Variants in IQUB observed in about 807,000 individuals in gnomAD.
The protein encoded by IQUB is IQ motif and ubiquitin-like domain-containing protein.
Under a neutral mutation model 86.4 loss-of-function variants are expected in IQUB, and 86 were observed. The observed-to-expected ratio is 1.00, with a 90% CI of 0.84 to 1.19. The LOEUF (loss-of-function observed/expected upper bound fraction) is 1.19, where lower values mean the gene tolerates loss of function less well. IQUB is among the 50% of genes most tolerant of loss of function. The pLI, the probability that IQUB is intolerant of heterozygous loss-of-function variation, is 0.00. For synonymous variants in IQUB, 289 were observed against 304.5 expected (o/e 0.95, Z 0.53); for missense variants, 946 against 916.9 (o/e 1.03, Z -0.41).
intron 6 of IQUB, chr7:123,502,207 C>A: frequency 6.1e-6 from 1 of 164,578 alleles, no homozygotes; most frequent in Non-Finnish European, 1.3e-5. Flanking sequence ...AAAAATAAAA[C>A]AGAGTTGGAG....
chr7:123,504,403 T>A (rs759051017), intron 3 of IQUB, among the ~76,000 whole-genome samples: 1 of 151,898 alleles, frequency 6.6e-6, no homozygotes, highest in Admixed American at 6.6e-5. Context: ...TGAGCCAAGA[T>A]CACACCCTGA....
intron 7 of IQUB, among the ~76,000 whole-genome samples, chr7:123,482,403 A>G (rs1016124671): frequency 6.6e-6 from 1 of 152,066 alleles, no homozygotes; most frequent in Non-Finnish European, 1.5e-5. Context: ...TCAATAAACC[A>G]TTTATATAGA....
At chr7:123,524,988 T>C (rs1024970193) in intron 1 of IQUB, among the ~76,000 whole-genome samples, 1 of 152,238 alleles carries the variant, frequency 6.6e-6, no homozygotes, top group Admixed American at 6.5e-5. Context: ...GTTCTGTTTA[T>C]ATGCTGGATT....
intron 1 of IQUB, among the ~76,000 whole-genome samples, chr7:123,526,378 G>T (rs990166702): frequency 6.6e-6 from 1 of 152,032 alleles, no homozygotes; most frequent in Middle Eastern, 3.2e-3. Context: ...TTATGAATCT[G>T]GGTGCTCCTG....
At chr7:123,509,221 A>G (rs1796314157) in intron 3 of IQUB, among the ~76,000 whole-genome samples, 1 of 152,202 alleles carries the variant, frequency 6.6e-6, no homozygotes, top group Non-Finnish European at 1.5e-5. Context: ...GATCAACTGT[A>G]ATAGTTAATA....
At chr7:123,458,058 G>A (rs1276680916) in intron 11 of IQUB, 2 of 151,934 alleles carry the variant, frequency 1.3e-5, no homozygotes, top group Non-Finnish European at 2.9e-5. Flanking sequence ...TCTCTATATG[G>A]TTCCAATTTC....
chr7:123,497,864 CA>C (rs1795771748), intron 6 of IQUB, among the ~76,000 whole-genome samples: 1 of 151,502 alleles, frequency 6.6e-6, no homozygotes, highest in African/African-American at 2.4e-5. Flanking sequence ...CCTAATCATG[CA>C]CTGGAGAAGC....
chr7:123,479,815 T>A lies in IQUB; in HGVS notation c.1390A>T (p.Ile464Leu), dbSNP rs1300459943. The A allele has an allele frequency of 6.2e-7, 1 of 1,611,952 alleles. No individual in the cohort carries two copies. The highest frequency in any genetic ancestry group is 1.7e-5 in the Admixed American group (1 of 59,682). The change falls in exon 8 of 13, where the codon ATA (isoleucine) becomes TTA (leucine). Residue 464 changes from isoleucine (I) to leucine (L), a missense_variant. Transcript: ENST00000324698. ...IAYMANQEAA[I>L]QAFLDKCSAP... ...CTAACCTTATCCAAAAAAGCTTGTA[T>A]TGCTGCTTCCTGATTTGCCATATAA...
intron 2 of IQUB, 89 bp from the exon 3 acceptor site, chr7:123,510,124 T>C: frequency 1.3e-6 from 1 of 767,112 alleles, no homozygotes; most frequent in Non-Finnish European, 2.0e-6. Flanking sequence ...GAATTATGTG[T>C]TAATTTTTAA....
At chr7:123,525,085 C>T (rs571114817) in intron 1 of IQUB, among the ~76,000 whole-genome samples, 1 of 152,300 alleles carries the variant, frequency 6.6e-6, no homozygotes, top group Admixed American at 6.5e-5. Flanking sequence ...TTTTCATGTG[C>T]TGCTGGATTC....
At chr7:123,533,857 A>G (rs1562884801) in intron 1 of IQUB, among the ~76,000 whole-genome samples, 2 of 152,212 alleles carry the variant, frequency 1.3e-5, no homozygotes, top group Middle Eastern at 3.2e-3. Context: ...TATCTATTCA[A>G]ATGAAAATGT....
chr7:123,483,754 C>G (rs1273002154), intron 7 of IQUB, among the ~76,000 whole-genome samples: 3 of 152,020 alleles, frequency 2.0e-5, no homozygotes, highest in Non-Finnish European at 4.4e-5. Context: ...TAAAGACTTC[C>G]TTTGAGCAGA....
At chr7:123,498,871 C>A (rs1203286231) in intron 6 of IQUB, among the ~76,000 whole-genome samples, 1 of 152,078 alleles carries the variant, frequency 6.6e-6, no homozygotes, top group Non-Finnish European at 1.5e-5. Flanking sequence ...GTGGAACAGC[C>A]ACATGCTCAG....
chr7:123,464,968 A>AATG lies in IQUB; in HGVS notation c.1622_1623insCAT (p.Ile541dup). On this transcript the variant is annotated inframe_insertion, in exon 10 of 13. Transcript: ENST00000324698. Reference sequence around the variant, plus strand: ...TCATCATAAGGTCAACCTCTCTGTCAATCAATTCTAGAATTTCCTGAGTTA... The same window carrying AATG: ...TCATCATAAGGTCAACCTCTCTGTCAATGATCAATTCTAGAATTTCCTGAGTTA... 1 of 1,598,356 alleles carries AATG rather than the reference A, an allele frequency of 6.3e-7. No homozygotes were observed. The highest frequency in any genetic ancestry group is 8.5e-7 in the Non-Finnish European group (1 of 1,172,820).
intron 7 of IQUB, among the ~76,000 whole-genome samples, chr7:123,493,295 C>T (rs911360608): frequency 2.0e-5 from 3 of 152,136 alleles, no homozygotes; most frequent in Admixed American, 2.0e-4. Flanking sequence ...CAAAGCATAG[C>T]AATGGCTCTC....
rs752899092 is a variant in IQUB at position 123,469,228 on chromosome 7, T to C, written c.1567A>G (p.Lys523Glu). The C allele has an allele frequency of 6.3e-7, 1 of 1,590,392 alleles. No homozygotes were observed. The highest frequency in any genetic ancestry group is 1.3e-5 in the African/African-American group (1 of 74,336). ...DERLDVLLTL[K>E]HTVKEHECKL... ...AGTTAACATACCTTTACAGTGTGTT[T>C]AAGAGTTAACAGCACATCCAGCCTC... Residue 523 changes from lysine (K) to glutamate (E), a missense_variant, in exon 9 of 13, where the codon AAA becomes GAA. Transcript: ENST00000324698.
chr7:123,460,665 CCAAA>C (rs1793936511), intron 11 of IQUB, among the ~76,000 whole-genome samples: 1 of 151,940 alleles, frequency 6.6e-6, no homozygotes, highest in African/African-American at 2.4e-5. Flanking sequence ...TTACCTAAGT[CCAAA>C]CAGTGTCAGG....
At chr7:123,497,954 CAG>C (rs1291171067) in intron 6 of IQUB, among the ~76,000 whole-genome samples, 1 of 151,624 alleles carries the variant, frequency 6.6e-6, no homozygotes, top group Non-Finnish European at 1.5e-5. Flanking sequence ...GGCCACTAAC[CAG>C]GTGACTTTAA....
rs556103024 is a variant in IQUB, at chr7:123,506,509, T to C, written c.533-3146A>G. ...GGAGGCCTCAGGAAACTTACAATCATGGCAAAAGGTGAAGAAGGAGGCACG... is the reference window on the plus strand; with the variant it reads ...GGAGGCCTCAGGAAACTTACAATCACGGCAAAAGGTGAAGAAGGAGGCACG... On this transcript the variant is annotated intron_variant, in intron 3 of 12. Transcript: ENST00000324698. 6.6e-4 allele frequency among the ~76,000 whole-genome samples: 101 copies of C among 152,060 alleles called. 1 individual carries two copies. The highest frequency in any genetic ancestry group is 2.1e-3 in the African/African-American group (88 of 41,470).
Sources: gnomAD v4.1 joint callset for allele counts (sites outside exome capture counted in the v4.1 genomes callset) on GRCh38, gnomAD v4.1.1 for gene constraint, MANE v1.5 for transcripts, NCBI Gene and HGNC (gene_info 2026-07-23, HGNC 2026-07-21) for gene names.